DCP1B: variants seen among roughly 807,000 people sequenced by gnomAD.
DCP1B encodes mRNA-decapping enzyme 1B.
Under a neutral mutation model 60.5 loss-of-function variants are expected in DCP1B, and 47 were observed. The ratio of observed to expected loss-of-function variants is 0.78; its 90% CI spans 0.61 to 0.99. The LOEUF (loss-of-function observed/expected upper bound fraction) is 0.99, where lower values mean the gene tolerates loss of function less well. Among genes scored for constraint, DCP1B ranks in the 50% least tolerant of loss-of-function variants. DCP1B has a pLI of 0.00. For synonymous variants in DCP1B, 267 were observed against 280.3 expected (o/e 0.95, Z 0.47); for missense variants, 725 against 756.8 (o/e 0.96, Z 0.49).
At chr12:1,957,104 A>C (rs2030911905) in intron 5 of DCP1B, among the ~76,000 whole-genome samples, 1 of 152,114 alleles carries the variant, frequency 6.6e-6, no homozygotes, top group Non-Finnish European at 1.5e-5. Flanking sequence ...TTAATCATCC[A>C]CCTCAGTAGT....
At chr12:1,978,182 G>C (rs1481010499) in intron 3 of DCP1B, among the ~76,000 whole-genome samples, 1 of 152,150 alleles carries the variant, frequency 6.6e-6, no homozygotes, top group African/African-American at 2.4e-5. Flanking sequence ...CAGAGAAAGG[G>C]GGCATAGCCT....
At position 1,949,149 on chromosome 12, in the gene DCP1B, G is replaced by A. The variant is rs146996705; in HGVS notation, c.1710C>T (p.Ser570=). 2.4e-5 allele frequency: 39 copies of A among 1,614,008 alleles called. No homozygotes were observed. Among genetic ancestry groups the A allele is most frequent in the Admixed American group, 8.3e-5 (5 of 60,008 alleles). The change falls in exon 8 of 9, where the codon TCC becomes TCT. Residue 570 remains serine, a synonymous_variant. Transcript: ENST00000280665. The part of the protein sequence containing the change: ...LLLPIQSPEP[S]VITSSPLTKL... ...TGGTGAGTGGGCTGCTGGTGATCAC[G>A]GAGGGCTCCGGGCTCTGTATGGGCA... is the stretch of plus-strand genomic sequence containing the variant.
intron 4 of DCP1B, chr12:1,965,950 A>T: frequency 2.5e-6 from 1 of 393,380 alleles, no homozygotes; most frequent in Non-Finnish European, 4.5e-6. Flanking sequence ...AGAAAGTCAC[A>T]AACACAGCCA....
At chr12:1,999,850 C>G (rs1296544794) in intron 1 of DCP1B, among the ~76,000 whole-genome samples, 1 of 152,206 alleles carries the variant, frequency 6.6e-6, no homozygotes, top group African/African-American at 2.4e-5. Context: ...GTATAAATCA[C>G]CACAACATAC....
Position 1,971,050 on chromosome 12 carries a change from C to G in DCP1B, c.320-3140G>C. The G allele has an allele frequency of 7.8e-7, 1 of 1,281,470 alleles. No individual in the cohort carries two copies. The highest frequency in any genetic ancestry group is 1.5e-5 in the African/African-American group (1 of 65,564). 79.4% of individuals were successfully genotyped at this position (1,281,470 alleles called of 1,614,324 possible). ...TAAAAATCAACCAATTAATATACAT[C>G]TGGAAATTCACAATGCTTCGAGCCT... is the stretch of plus-strand genomic sequence containing the variant. On this transcript the variant is annotated intron_variant, in intron 3 of 8. Coordinates refer to ENST00000280665, the MANE Select transcript of DCP1B (RefSeq NM_152640.5). The surrounding 1 kb of genome is among the most constrained non-coding windows in gnomAD (Gnocchi z 4.2).
At chr12:1,950,005 C>T in intron 7 of DCP1B, 1 of 294,306 alleles carries the variant, frequency 3.4e-6, no homozygotes, top group Non-Finnish European at 6.4e-6. Flanking sequence ...TTTCTAACAG[C>T]CCTTTCAGTT....
At chr12:1,966,079 C>G (rs1393946708) in intron 4 of DCP1B, 1 of 162,340 alleles carries the variant, frequency 6.2e-6, no homozygotes, top group Non-Finnish European at 1.3e-5. Flanking sequence ...AAAATACTCA[C>G]TCTCTGGTCC....
At chr12:1,967,939 T>C (rs1028254441) in intron 3 of DCP1B, 29 bp from the exon 4 acceptor site, 1 of 1,589,004 alleles carries the variant, frequency 6.3e-7, no homozygotes, top group African/African-American at 1.4e-5. Context: ...AAACAAATTA[T>C]GAGCATCTTC....
At chr12:1,994,260 A>G (rs923296099) in intron 2 of DCP1B, among the ~76,000 whole-genome samples, 2 of 152,248 alleles carry the variant, frequency 1.3e-5, no homozygotes, top group African/African-American at 4.8e-5. Context: ...AGCAAGCAGA[A>G]TTCATTTATT....
intron 3 of DCP1B, chr12:1,992,864 A>T (rs903158458): frequency 2.1e-5 from 9 of 431,408 alleles, no homozygotes; most frequent in Non-Finnish European, 3.7e-5. Context: ...CACTCGGCCA[A>T]AAGTGATACA....
At chr12:2,003,000 A>G (rs948089150) in intron 1 of DCP1B, among the ~76,000 whole-genome samples, 2 of 152,196 alleles carry the variant, frequency 1.3e-5, no homozygotes, top group African/African-American at 2.4e-5. Context: ...TACACTTTCT[A>G]TTACAGAAGA....
At chr12:1,989,408 G>A (rs1166372115) in intron 3 of DCP1B, among the ~76,000 whole-genome samples, 2 of 151,958 alleles carry the variant, frequency 1.3e-5, no homozygotes, top group South Asian at 2.1e-4. Flanking sequence ...GGAAAGAAAA[G>A]GGAAAGGGAA....
At chr12:1,958,273 T>C (rs1368169873) in intron 5 of DCP1B, among the ~76,000 whole-genome samples, 23 of 115,694 alleles carry the variant, frequency 2.0e-4, no homozygotes, top group Admixed American at 2.8e-4. Flanking sequence ...TTGCTCTGGG[T>C]AATGACTTTT....
chr12:1,993,421 CAATAGACAAATT>C, intron 2 of DCP1B, 30 bp from the exon 3 acceptor site: 1 of 1,601,078 alleles, frequency 6.2e-7, no homozygotes, highest in Non-Finnish European at 8.5e-7. Flanking sequence ...AGGGGGAAAT[CAATAGACAAATT>C]GCTTAGTATG....
At chr12:1,958,846 C>T (rs1458236031) in intron 5 of DCP1B, among the ~76,000 whole-genome samples, 1 of 70,960 alleles carries the variant, frequency 1.4e-5, no homozygotes, top group African/African-American at 7.6e-5. Flanking sequence ...AGCTCCCCAA[C>T]GTCGCTTTGG....
chr12:1,948,040 A>G lies in DCP1B; in HGVS notation c.1773+1046T>C, dbSNP rs544111848. On this transcript the variant is annotated intron_variant, in intron 8 of 8. Coordinates refer to ENST00000280665, the MANE Select transcript of DCP1B (RefSeq NM_152640.5). This position sits in a 1 kb window ranked among gnomAD's most constrained non-coding sequence, Gnocchi z 4.8. ...TTAAGTAGGATAAGACAACCGCAGA[A>G]GGGCTGGCCTGCTCTCTAAAGGCCG... is the stretch of plus-strand genomic sequence containing the variant. 5.3e-4 allele frequency among the ~76,000 whole-genome samples: 81 copies of G among 152,338 alleles called. No individual in the cohort carries two copies. Among genetic ancestry groups the G allele is most frequent in the African/African-American group, 1.9e-3 (81 of 41,580 alleles).
At chr12:1,964,297 T>C (rs1194722085) in intron 5 of DCP1B, among the ~76,000 whole-genome samples, 1 of 152,164 alleles carries the variant, frequency 6.6e-6, no homozygotes, top group African/African-American at 2.4e-5. Flanking sequence ...ATTTTTCTAG[T>C]GTTAATCTTG....
Position 1,996,652 on chromosome 12 carries a change from AAAACAAC to A in DCP1B, c.191+1276_191+1282del, listed in dbSNP as rs1206644038. Among the ~76,000 whole-genome samples the A allele has an allele frequency of 4.4e-3, 171 of 38,920 alleles. 21 individuals carry two copies. The highest frequency in any genetic ancestry group is 0.026 in the African/African-American group (167 of 6,360). The allele number at this position is 38,920 out of a possible 152,430, so 25.5% of individuals were successfully genotyped here. A position where few individuals can be genotyped will look rare whatever the true frequency, so the allele number is the denominator to read the frequency against. ...AAAAAAAAAAAAAAAAAAAAAAAAA[AAAACAAC>A]AAACTCTTCTAATGTTTTAAAGAAG... On this transcript the variant is annotated intron_variant, in intron 2 of 8. Transcript: ENST00000280665.
intron 5 of DCP1B, among the ~76,000 whole-genome samples, chr12:1,956,708 A>C (rs111955557): frequency 0.027 from 4,143 of 152,332 alleles, 94 homozygotes; most frequent in Middle Eastern, 0.054. Context: ...ACCAACTGGC[A>C]TGGCTTTCCC....
Sources: allele counts gnomAD v4.1 joint callset (sites outside exome capture counted in the v4.1 genomes callset), GRCh38; gene constraint gnomAD v4.1.1; non-coding constraint Gnocchi (gnomAD v3.1); transcripts MANE v1.5; gene names NCBI Gene and HGNC (gene_info 2026-07-23, HGNC 2026-07-21).